Variants in CD93 observed in about 807,000 individuals in gnomAD.
CD93 encodes the protein complement component C1q receptor.
Under a neutral mutation model 45.5 loss-of-function variants are expected in CD93, and 44 were observed. That is an observed-to-expected ratio of 0.97 (90% CI 0.76 to 1.24). CD93 has a LOEUF of 1.24. Ranked by LOEUF, CD93 falls within the 50% of genes most tolerant of loss-of-function variation. CD93 has a pLI of 0.00. For synonymous variants in CD93, 431 were observed against 370.8 expected (o/e 1.16, Z -1.87); for missense variants, 918 against 844.5 (o/e 1.09, Z -1.08).
At position 23,083,053 on chromosome 20, in the gene CD93, G is replaced by GCCAC. The variant is rs1985368224; in HGVS notation, c.*896_*897insGTGG. 2 of 152,616 alleles carry GCCAC rather than the reference G, an allele frequency of 1.3e-5. No homozygotes were observed. Among genetic ancestry groups the GCCAC allele is most frequent in the Non-Finnish European group, 2.9e-5 (2 of 68,048 alleles). 9.5% of individuals were successfully genotyped at this position (152,616 alleles called of 1,614,324 possible). ...AGGCGGGGCCACAGGCAGGGTGTCT[G>GCCAC]AGGCCTGCCCTGGCTCAAAGACAGG... On this transcript the variant is annotated 3_prime_UTR_variant, in exon 2 of 2. Coordinates refer to ENST00000246006, the MANE Select transcript of CD93 (RefSeq NM_012072.4).
In CD93 at chr20:23,085,198, T is replaced by C; in HGVS notation, c.995A>G (p.Gln332Arg). 2 of 1,595,024 alleles carry C rather than the reference T, an allele frequency of 1.3e-6. No individual in the cohort carries two copies. The highest frequency in any genetic ancestry group is 8.5e-7 in the Non-Finnish European group (1 of 1,170,104). Residue 332 changes from glutamine (Q) to arginine (R), a missense_variant, in exon 1 of 2, where the codon CAA becomes CGA. By Grantham distance (43) the Gln-to-Arg change is conservative. Transcript: ENST00000246006. The stretch of plus-strand genomic sequence containing the variant: ...CTGACTCGAGTCCAGCTGGTACCCT[T>C]GGGGGCAGCGGCACGTGTAGTTTTT... ...HGKNYTCRCP[Q>R]GYQLDSSQLD... is the part of the protein sequence containing the mutation.
At chr20:23,084,014 C>A (rs375804792) in intron 1 of CD93, 40 bp from the exon 2 acceptor site, 2 of 1,612,382 alleles carry the variant, frequency 1.2e-6, no homozygotes, top group South Asian at 2.2e-5. Flanking sequence ...AGCCATGGCG[C>A]CTCTGTGCCT....
At position 23,083,772 on chromosome 20, in the gene CD93, A is replaced by G; in HGVS notation, c.*178T>C. ...ACACAGCTTCCACTTCAGGAACATC[A>G]AACACCCGTAGAAAATACCTGCATG... On this transcript the variant is annotated 3_prime_UTR_variant, in exon 2 of 2. Transcript: ENST00000246006. 1.5e-6 allele frequency: 1 copy of G among 652,964 alleles called. No homozygotes were observed. The highest frequency in any genetic ancestry group is 2.8e-6 in the Non-Finnish European group (1 of 356,988). 40.4% of individuals were successfully genotyped at this position (652,964 alleles called of 1,614,324 possible). A position where few individuals can be genotyped will look rare whatever the true frequency, so the allele number is the denominator to read the frequency against.
chr20:23,085,066 C>T lies in CD93; in HGVS notation c.1127G>A (p.Gly376Asp), dbSNP rs371193588. 2 of 1,612,956 alleles carry T rather than the reference C, an allele frequency of 1.2e-6. No individual in the cohort carries two copies. The highest frequency in any genetic ancestry group is 2.2e-5 in the East Asian group (1 of 44,878). ...RCECWVGYEP[G>D]GPGEGACQDV... ...CTGACAGGCCCCCTCTCCAGGACCG[C>T]CCGGCTCATAGCCAACCCAGCATTC... is the stretch of plus-strand genomic sequence containing the variant. The change falls in exon 1 of 2, where the codon GGC becomes GAC. Residue 376 changes from glycine (G) to aspartate (D), a missense_variant. Transcript: ENST00000246006.
In CD93 at chr20:23,084,647, T is replaced by C; in HGVS notation, c.1546A>G (p.Thr516Ala). ...PEGTPKATPTTSRPSLSSDAP... is the reference protein window; with the variant it reads ...PEGTPKATPTASRPSLSSDAP... ...TCAGATGACAGCGAAGGTCTACTTGTGGTGGGTGTAGCCTTGGGGGTGCCC... is the reference window on the plus strand; with the variant it reads ...TCAGATGACAGCGAAGGTCTACTTGCGGTGGGTGTAGCCTTGGGGGTGCCC... The change falls in exon 1 of 2, where the codon ACA becomes GCA. Residue 516 changes from threonine (T) to alanine (A), a missense_variant. Coordinates refer to ENST00000246006, the MANE Select transcript of CD93 (RefSeq NM_012072.4). 6.3e-7 allele frequency: 1 copy of C among 1,598,712 alleles called. No individual in the cohort carries two copies. The highest frequency in any genetic ancestry group is 8.5e-7 in the Non-Finnish European group (1 of 1,172,142).
chr20:23,083,827 C>G lies in CD93; in HGVS notation c.*123G>C. On this transcript the variant is annotated 3_prime_UTR_variant, in exon 2 of 2. Coordinates refer to ENST00000246006, the MANE Select transcript of CD93 (RefSeq NM_012072.4). ...AAGGGGCCTTTAAGGAGGAGACTTA[C>G]AATTGTTTGCTAAGATTCCAGTCCA... 2 of 900,198 alleles carry G rather than the reference C, an allele frequency of 2.2e-6. No individual in the cohort carries two copies. Among genetic ancestry groups the G allele is most frequent in the Non-Finnish European group, 3.8e-6 (2 of 531,782 alleles). 55.8% of individuals were successfully genotyped at this position (900,198 alleles called of 1,614,324 possible).
At chr20:23,084,031 C>T in intron 1 of CD93, 57 bp from the exon 2 acceptor site, 2 of 1,604,598 alleles carry the variant, frequency 1.2e-6, no homozygotes, top group Non-Finnish European at 1.7e-6. Context: ...GCCTGCACGT[C>T]CCCACCTTGG....
rs557451011 is a variant in CD93, at chr20:23,086,307, C to T, written c.-115G>A. On this transcript the variant is annotated 5_prime_UTR_variant, in exon 1 of 2. Coordinates refer to ENST00000246006, the MANE Select transcript of CD93 (RefSeq NM_012072.4). ...GCTGAGGGGTGAGCTGCAGCCACTC[C>T]GGCGCAGAGAAGGACACAAAGGCTG... 48 of 1,308,758 alleles carry T rather than the reference C, an allele frequency of 3.7e-5. No homozygotes were observed. In the African/African-American group the frequency reaches 6.4e-4, roughly 17 times the overall value. The allele number at this position is 1,308,758 out of a possible 1,614,324, so 81.1% of individuals were successfully genotyped here.
rs1404144619 is a variant in CD93 at position 23,086,030 on chromosome 20, G to T, written c.163C>A (p.Gln55Lys). The change falls in exon 1 of 2, where the codon CAG (glutamine) becomes AAG (lysine). Residue 55 changes from glutamine (Q) to lysine (K), a missense_variant. Transcript: ENST00000246006. ...SAAEAQNHCN[Q>K]NGGNLATVKS... Reference sequence around the variant, plus strand: ...ACAGTGGCCAGGTTGCCCCCGTTCTGGTTGCAGTGGTTCTGGGCCTCGGCA... The same window carrying T: ...ACAGTGGCCAGGTTGCCCCCGTTCTTGTTGCAGTGGTTCTGGGCCTCGGCA... 1 of 1,609,504 alleles carries T rather than the reference G, an allele frequency of 6.2e-7. No individual in the cohort carries two copies. Among genetic ancestry groups the T allele is most frequent in the South Asian group, 1.1e-5 (1 of 90,490 alleles).
At position 23,085,330 on chromosome 20, in the gene CD93, C is replaced by T. The variant is rs772269109; in HGVS notation, c.863G>A (p.Arg288Gln). 10 of 1,613,878 alleles carry T rather than the reference C, an allele frequency of 6.2e-6. No individual in the cohort carries two copies. Among genetic ancestry groups the T allele is most frequent in the Admixed American group, 1.7e-5 (1 of 60,010 alleles). The change falls in exon 1 of 2, where the codon CGA becomes CAA. Residue 288 changes from arginine to glutamine, a missense_variant. Arg to Gln is a conservative substitution (Grantham distance 43). Transcript: ENST00000246006. ...GGDGSFLCGC[R>Q]PGFRLLDDLV... is the part of the protein sequence containing the mutation. ...GTCATCCAGCAGCCGGAATCCTGGTCGGCAGCCGCAGAGGAAGGAGCCATC... is the reference window on the plus strand; with the variant it reads ...GTCATCCAGCAGCCGGAATCCTGGTTGGCAGCCGCAGAGGAAGGAGCCATC...
chr20:23,085,622 G>C lies in CD93; in HGVS notation c.571C>G (p.Leu191Val). The C allele has an allele frequency of 6.2e-7, 1 of 1,613,340 alleles. No individual in the cohort carries two copies. The highest frequency in any genetic ancestry group is 8.5e-7 in the Non-Finnish European group (1 of 1,179,922). ...ACCTGACCTGGGCCCCCCAGGGCCA[G>C]AGGCCGGCACATGCCTTTGAAGCTG... ...KFSFKGMCRP[L>V]ALGGPGQVTY... Residue 191 changes from leucine (L) to valine (V), a missense_variant, in exon 1 of 2, where the codon CTG (leucine) becomes GTG (valine). Transcript: ENST00000246006.
Position 23,084,850 on chromosome 20 carries a change from C to T in CD93, c.1343G>A (p.Gly448Glu). ...TGGCAGGCAGCCACAGTGGAAGGAC[C>T]CTTGTGTGTTGAAGCACAAGCTGTC... The part of the protein sequence containing the change: ...LCDSLCFNTQ[G>E]SFHCGCLPGW... The change falls in exon 1 of 2, where the codon GGG (glycine) becomes GAG (glutamate). Residue 448 changes from glycine (G) to glutamate (E), a missense_variant. Gly to Glu is a moderately conservative substitution (Grantham distance 98, BLOSUM62 -2). Coordinates refer to ENST00000246006, the MANE Select transcript of CD93 (RefSeq NM_012072.4). 1 of 1,613,318 alleles carries T rather than the reference C, an allele frequency of 6.2e-7. No individual in the cohort carries two copies. Among genetic ancestry groups the T allele is most frequent in the Non-Finnish European group, 8.5e-7 (1 of 1,179,962 alleles).
rs768373876 is a variant in CD93, at chr20:23,084,379, A to T, written c.1814T>A (p.Val605Asp). ...LLLALALGLL[V>D]YRKRRAKREE... ...CCTCTTCGCTCTCCGCTTGCGATAG[A>T]CCAGTAGCCCCAGAGCCAGGGCCAG... Residue 605 changes from valine to aspartate, a missense_variant, in exon 1 of 2, where the codon GTC (valine) becomes GAC (aspartate). Val to Asp is a radical substitution (Grantham distance 152). Coordinates refer to ENST00000246006, the MANE Select transcript of CD93 (RefSeq NM_012072.4). 6 of 1,614,220 alleles carry T rather than the reference A, an allele frequency of 3.7e-6. No individual in the cohort carries two copies. The highest frequency in any genetic ancestry group is 1.1e-5 in the South Asian group (1 of 91,082).
rs1985272072 is a variant in CD93, at chr20:23,079,608, T to G, written c.*4342A>C. ...ATACACACATTTAAAAATACTTACA[T>G]TCTCATTTAGCATTCATGAAGTGAT... On this transcript the variant is annotated 3_prime_UTR_variant, in exon 2 of 2. Transcript: ENST00000246006. The G allele has an allele frequency of 6.6e-6, 1 of 152,216 alleles. No individual in the cohort carries two copies. Among genetic ancestry groups the G allele is most frequent in the Non-Finnish European group, 1.5e-5 (1 of 68,046 alleles). The allele number at this position is 152,216 out of a possible 1,614,324, so 9.4% of individuals were successfully genotyped here.
Position 23,080,834 on chromosome 20 carries a change from C to T in CD93, c.*3116G>A, listed in dbSNP as rs977350387. On this transcript the variant is annotated 3_prime_UTR_variant, in exon 2 of 2. Transcript: ENST00000246006. ...GCTGTTGAGCAGGGGTGGAGTCCCTCTACAGAGGATGCTCACCAAGTTCTA... is the reference window on the plus strand; with the variant it reads ...GCTGTTGAGCAGGGGTGGAGTCCCTTTACAGAGGATGCTCACCAAGTTCTA... The T allele has an allele frequency of 7.9e-5, 12 of 152,382 alleles. No individual in the cohort carries two copies. The highest frequency in any genetic ancestry group is 6.5e-4 in the Admixed American group (10 of 15,312). 9.4% of individuals were successfully genotyped at this position (152,382 alleles called of 1,614,324 possible).
At chr20:23,084,012 C>T (rs199724225) in intron 1 of CD93, 38 bp from the exon 2 acceptor site, 29 of 1,612,730 alleles carry the variant, frequency 1.8e-5, no homozygotes, top group African/African-American at 2.7e-5. Flanking sequence ...GAAGCCATGG[C>T]GCCTCTGTGC....
chr20:23,084,634 G>T lies in CD93; in HGVS notation c.1559C>A (p.Ser520Ter), dbSNP rs143062108. The T allele has an allele frequency of 2.5e-5, 40 of 1,603,416 alleles. No individual in the cohort carries two copies. The highest frequency in any genetic ancestry group is 3.4e-5 in the Non-Finnish European group (40 of 1,174,376). Residue 520 changes from serine (S) to a stop codon, truncating the protein, a stop_gained, in exon 1 of 2, where the codon TCG (serine) becomes TAG (stop). Coordinates refer to ENST00000246006, the MANE Select transcript of CD93 (RefSeq NM_012072.4). LOFTEE classifies it high-confidence loss of function. ...PKATPTTSRP[S>*]LSSDAPITSA... Reference sequence around the variant, plus strand: ...TGTGATGGGGGCGTCAGATGACAGCGAAGGTCTACTTGTGGTGGGTGTAGC... The same window carrying T: ...TGTGATGGGGGCGTCAGATGACAGCTAAGGTCTACTTGTGGTGGGTGTAGC...
rs1257057497 is a variant in CD93, at chr20:23,084,951, G to A, written c.1242C>T (p.Gly414=). The A allele has an allele frequency of 6.2e-7, 1 of 1,613,684 alleles. No homozygotes were observed. Among genetic ancestry groups the A allele is most frequent in the Admixed American group, 1.7e-5 (1 of 60,024 alleles). ...DGSFHCSCEE[G]YVLAGEDGTQ... ...TCCCGTCCTCCCCGGCCAGGACGTA[G>A]CCCTCCTCACAGGAGCAGTGAAATG... The change falls in exon 1 of 2, where the codon GGC becomes GGT. Residue 414 remains glycine (G), a synonymous_variant. Transcript: ENST00000246006.
In CD93 at chr20:23,084,477, G is replaced by C. The variant is rs778638390; in HGVS notation, c.1716C>G (p.Asn572Lys). The C allele has an allele frequency of 6.2e-7, 1 of 1,614,230 alleles. No homozygotes were observed. The highest frequency in any genetic ancestry group is 2.2e-5 in the East Asian group (1 of 44,872). Residue 572 changes from asparagine (N) to lysine (K), a missense_variant, in exon 1 of 2, where the codon AAC becomes AAG. Transcript: ENST00000246006. ...AGGDSSVATQNNDGTDGQKLL... is the reference protein window; with the variant it reads ...AGGDSSVATQKNDGTDGQKLL... The stretch of plus-strand genomic sequence containing the variant: ...GCTTTTGCCCGTCAGTGCCATCGTT[G>C]TTTTGTGTGGCCACGGAGGAGTCCC...
Sources: allele counts gnomAD v4.1 joint callset, GRCh38; gene constraint gnomAD v4.1.1; transcripts MANE v1.5; gene names NCBI Gene and HGNC (gene_info 2026-07-23, HGNC 2026-07-21).